Variants in PIR observed in about 807,000 individuals in gnomAD.
PIR encodes pirin (iron-binding nuclear protein).
A neutral mutation model predicts 24.2 loss-of-function variants in PIR; 22 were observed. The observed-to-expected ratio is 0.91, with a 90% CI of 0.65 to 1.30. PIR has a LOEUF of 1.30. Among genes scored for constraint, PIR ranks in the 50% most tolerant of loss-of-function variants. The probability of loss-of-function intolerance (pLI) is 0.00; values close to 1 mark genes in which losing one functional copy is unlikely to be tolerated. For synonymous variants in PIR, 80 were observed against 79.6 expected (o/e 1.00, Z -0.03); for missense variants, 220 against 220.3 (o/e 1.00, Z 0.01).
intron 6 of PIR, among the ~76,000 whole-genome samples, chrX:15,415,535 A>G (rs1924885165): frequency 8.9e-6 from 1 of 112,098 alleles, no homozygotes. Flanking sequence ...GTTAAATAGT[A>G]GAAATAAGTT....
At chrX:15,420,674 T>C (rs1230413297) in intron 6 of PIR, among the ~76,000 whole-genome samples, 1 of 111,212 alleles carries the variant, frequency 9.0e-6, no homozygotes, top group African/African-American at 3.3e-5. Flanking sequence ...TGATGTAGAA[T>C]ATCACTGTTA....
intron 9 of PIR, among the ~76,000 whole-genome samples, chrX:15,387,113 G>A (rs1479334960): frequency 1.6e-4 from 11 of 67,488 alleles, no homozygotes; most frequent in Admixed American, 2.3e-4. Context: ...TTTTGAGACC[G>A]AGTCTTGCTC....
At chrX:15,407,113 T>C (rs1924573727) in intron 7 of PIR, among the ~76,000 whole-genome samples, 2 of 112,466 alleles carry the variant, frequency 1.8e-5, no homozygotes, top group South Asian at 7.3e-4. Context: ...CAGAGGAAAC[T>C]AGCATTGCAA....
intron 5 of PIR, among the ~76,000 whole-genome samples, chrX:15,448,184 T>G (rs1308020521): frequency 8.9e-6 from 1 of 112,455 alleles, no homozygotes; most frequent in Non-Finnish European, 1.9e-5. Flanking sequence ...CCAGCTGATT[T>G]GAGCAGATCC....
At chrX:15,465,742 T>C (rs1042151096) in intron 3 of PIR, among the ~76,000 whole-genome samples, 2 of 111,924 alleles carry the variant, frequency 1.8e-5, no homozygotes, top group African/African-American at 6.5e-5. Context: ...AAACACACAA[T>C]AGTGATGAAA....
At chrX:15,469,906 A>AAGCATAGGTCCCAC (rs1360541370) in intron 3 of PIR, among the ~76,000 whole-genome samples, 1 of 111,789 alleles carries the variant, frequency 8.9e-6, no homozygotes, top group African/African-American at 3.3e-5. Flanking sequence ...TGGACCATGA[A>AAGCATAGGTCCCAC]AGCATAGGTC....
chrX:15,390,344 G>A, intron 8 of PIR, 93 bp from the exon 9 acceptor site: 1 of 493,141 alleles, frequency 2.0e-6, no homozygotes, highest in South Asian at 4.5e-5. Flanking sequence ...TAGCCAAATA[G>A]GCGATGTTCC....
chrX:15,459,623 T>G, intron 4 of PIR, 34 bp downstream of exon 4: 1 of 973,587 alleles, frequency 1.0e-6, no homozygotes, highest in Non-Finnish European at 1.5e-6. Flanking sequence ...CAAAAACTAC[T>G]AAACCACCAG....
chrX:15,473,378 T>TA (rs937240933), intron 3 of PIR, among the ~76,000 whole-genome samples: 3 of 110,853 alleles, frequency 2.7e-5, no homozygotes, highest in Non-Finnish European at 5.7e-5. Context: ...TTGTGGAGGT[T>TA]AAAAAAAACA....
Position 15,397,462 on chromosome X carries a change from T to C in PIR, c.680A>G (p.Gln227Arg). The change falls in exon 8 of 10, where the codon CAG becomes CGG. Residue 227 changes from glutamine (Q) to arginine (R), a missense_variant. Physicochemically the swap from Gln to Arg is conservative, Grantham distance 43. Coordinates refer to ENST00000380420, the MANE Select transcript of PIR (RefSeq NM_001018109.3). ...TAVLGEGDSV[Q>R]VENKDPKRSH... ...TAACATACTTACCTTGTTCTCCACC[T>C]GGACACTGTCACCTTCTCCAAGCAC... is the stretch of plus-strand genomic sequence containing the variant. The C allele has an allele frequency of 8.4e-7, 1 of 1,190,564 alleles. No individual in the cohort carries two copies. The highest frequency in any genetic ancestry group is 1.1e-6 in the Non-Finnish European group (1 of 875,789).
chrX:15,451,480 T>A (rs1178903059), intron 5 of PIR, among the ~76,000 whole-genome samples: 1 of 111,812 alleles, frequency 8.9e-6, no homozygotes, highest in Non-Finnish European at 1.9e-5. Flanking sequence ...TAACATATAA[T>A]TTAGCTAATT....
intron 3 of PIR, among the ~76,000 whole-genome samples, chrX:15,479,499 T>G (rs1334885691): frequency 9.0e-6 from 1 of 111,657 alleles, no homozygotes; most frequent in Admixed American, 9.6e-5. Flanking sequence ...AAAAATATTT[T>G]AATAAGCCAA....
intron 3 of PIR, among the ~76,000 whole-genome samples, chrX:15,470,600 C>CT (rs1185040119): frequency 0.054 from 2,428 of 45,033 alleles, 64 homozygotes; most frequent in African/African-American, 0.072. Context: ...TTCTTTCTTT[C>CT]TTTTTTTTTT....
chrX:15,409,723 A>C (rs774062814), intron 6 of PIR, among the ~76,000 whole-genome samples: 7 of 111,332 alleles, frequency 6.3e-5, no homozygotes, highest in Non-Finnish European at 1.3e-4. Flanking sequence ...GCTTTTTCAA[A>C]AGTTTCGCCA....
chrX:15,422,496 C>T (rs748284113), intron 6 of PIR, among the ~76,000 whole-genome samples: 2 of 110,427 alleles, frequency 1.8e-5, no homozygotes, highest in African/African-American at 6.6e-5. Context: ...ACAAAATCAA[C>T]ATACAAAAAT....
At chrX:15,480,957 A>G (rs1020244456) in intron 2 of PIR, among the ~76,000 whole-genome samples, 4 of 111,946 alleles carry the variant, frequency 3.6e-5, no homozygotes, top group Admixed American at 1.9e-4. Flanking sequence ...AAATAGTCTG[A>G]GCAAAGGCAA....
chrX:15,386,153 C>T (rs1449993008), intron 9 of PIR, among the ~76,000 whole-genome samples: 1 of 112,417 alleles, frequency 8.9e-6, no homozygotes, highest in African/African-American at 3.2e-5. Context: ...TTTTATGGAA[C>T]TGCCTGCTCT....
chrX:15,471,377 A>G (rs1159740541), intron 3 of PIR, among the ~76,000 whole-genome samples: 1 of 112,323 alleles, frequency 8.9e-6, no homozygotes, highest in African/African-American at 3.2e-5. Context: ...CAGAACTTTT[A>G]GGCTAAAGAT....
chrX:15,388,581 C>A (rs1458380836), intron 9 of PIR, among the ~76,000 whole-genome samples: 6 of 112,343 alleles, frequency 5.3e-5, no homozygotes, highest in Non-Finnish European at 1.1e-4. Context: ...AAATTCTATG[C>A]AAGCATCCAT....
Sources: allele counts gnomAD v4.1 joint callset (sites outside exome capture counted in the v4.1 genomes callset), GRCh38; gene constraint gnomAD v4.1.1; transcripts MANE v1.5; gene names NCBI Gene and HGNC (gene_info 2026-07-23, HGNC 2026-07-21).